Variants in AXIN1 observed in about 807,000 individuals in gnomAD.
The protein encoded by AXIN1 is axin-1.
Under a neutral mutation model 76.4 loss-of-function variants are expected in AXIN1, and 30 were observed. That is an observed-to-expected ratio of 0.39 (90% CI 0.29 to 0.53). AXIN1 has a LOEUF of 0.53. AXIN1 is among the 20% of genes least tolerant of loss of function. The pLI, the probability that AXIN1 is intolerant of heterozygous loss-of-function variation, is 0.66. For synonymous variants in AXIN1, 545 were observed against 501.4 expected (o/e 1.09, Z -1.16); for missense variants, 1,140 against 1,198.8 (o/e 0.95, Z 0.72).
intron 4 of AXIN1, 36 bp downstream of exon 4, chr16:309,937 G>C: frequency 6.2e-7 from 1 of 1,603,034 alleles, no homozygotes; most frequent in Non-Finnish European, 8.5e-7. Context: ...TGAGCGGGGA[G>C]GACGATGGGC....
chr16:314,708 T>C (rs2141594730), intron 2 of AXIN1, 25 bp from the exon 3 acceptor site: 1 of 1,612,654 alleles, frequency 6.2e-7, no homozygotes, highest in Non-Finnish European at 8.5e-7. Context: ...GCAGGGCATG[T>C]TAGTGACAGC....
chr16:288,465 C>T (rs1315892401), intron 10 of AXIN1, among the ~76,000 whole-genome samples: 1 of 152,250 alleles, frequency 6.6e-6, no homozygotes, highest in African/African-American at 2.4e-5. Context: ...AGTTCACTGC[C>T]TGCTGGGAGC....
intron 2 of AXIN1, among the ~76,000 whole-genome samples, chr16:318,328 C>A (rs1224328751): frequency 6.6e-6 from 1 of 152,172 alleles, no homozygotes; most frequent in Non-Finnish European, 1.5e-5. Context: ...CAGCACACAG[C>A]AAGTTCCACT....
In AXIN1 at chr16:352,452, G is replaced by C. The variant is rs935114617; in HGVS notation, c.-165C>G. 57 of 973,944 alleles carry C rather than the reference G, an allele frequency of 5.9e-5. No individual in the cohort carries two copies. In the East Asian group the frequency reaches 3.0e-3, roughly 51 times the overall value. The allele number at this position is 973,944 out of a possible 1,614,324, so 60.3% of individuals were successfully genotyped here. The stretch of plus-strand genomic sequence containing the variant: ...GGGCCCATGCGCTCAGCGGCAGCGC[G>C]GCGGGCGGGACCCGGCGGGGGCGCG... On this transcript the variant is annotated 5_prime_UTR_variant, in exon 1 of 11. Transcript: ENST00000262320.
At chr16:340,562 G>A (rs1313925789) in intron 2 of AXIN1, among the ~76,000 whole-genome samples, 1 of 152,194 alleles carries the variant, frequency 6.6e-6, no homozygotes, top group East Asian at 1.9e-4. Context: ...TGGGCCTCCC[G>A]CCCAACACTC....
chr16:316,833 GA>G (rs1567283356), intron 2 of AXIN1, among the ~76,000 whole-genome samples: 1 of 152,188 alleles, frequency 6.6e-6, no homozygotes, highest in African/African-American at 2.4e-5. Flanking sequence ...TCCCAGAGGG[GA>G]AAACAGTATA....
At position 289,409 on chromosome 16, in the gene AXIN1, G is replaced by A. The variant is rs376377355; in HGVS notation, c.2462+31C>T. On this transcript the variant is annotated intron_variant, in intron 10 of 10. Coordinates refer to ENST00000262320, the MANE Select transcript of AXIN1 (RefSeq NM_003502.4). ...CCGTTGGGCACCCACATACTCGTGC[G>A]GGGAGGGGGCACCCCAGCCCTCACA... 2.9e-5 allele frequency: 46 copies of A among 1,612,076 alleles called. No homozygotes were observed. The African/African-American group carries it at 3.2e-4, about 11-fold the overall frequency.
intron 2 of AXIN1, 130 bp downstream of exon 2, chr16:346,018 C>A: frequency 1.1e-6 from 1 of 891,310 alleles, no homozygotes; most frequent in Middle Eastern, 2.8e-4. Context: ...AGAACAGAAC[C>A]AAAATTCAAC....
chr16:291,042 TG>T, intron 9 of AXIN1, 147 bp downstream of exon 9: 1 of 751,936 alleles, frequency 1.3e-6, no homozygotes, highest in Non-Finnish European at 2.3e-6. Flanking sequence ...GCTTCGAGTC[TG>T]ATGCCACGGG....
Position 287,922 on chromosome 16 carries a change from C to G in AXIN1, c.*200G>C. On this transcript the variant is annotated 3_prime_UTR_variant, in exon 11 of 11. Transcript: ENST00000262320. ...TGCTATGAGGAGTGGTCCAGGCTGC[C>G]TCCTTGGGGGCAGGACAGAAGCTTG... 1.2e-6 allele frequency: 1 copy of G among 836,488 alleles called. No homozygotes were observed. 51.8% of individuals were successfully genotyped at this position (836,488 alleles called of 1,614,324 possible). A position where few individuals can be genotyped will look rare whatever the true frequency, so the allele number is the denominator to read the frequency against.
chr16:292,079 G>A (rs1357872086), intron 8 of AXIN1: 1 of 152,754 alleles, frequency 6.5e-6, no homozygotes, highest in Admixed American at 6.5e-5. Context: ...CCAGGGGAAA[G>A]CGCAGACGCA....
chr16:344,715 C>T (rs1180928438), intron 2 of AXIN1, among the ~76,000 whole-genome samples: 5 of 152,114 alleles, frequency 3.3e-5, no homozygotes, highest in Non-Finnish European at 1.5e-5. Context: ...TCTCGAACTC[C>T]CGACCTCAGG....
At chr16:327,404 G>A (rs1036924575) in intron 2 of AXIN1, among the ~76,000 whole-genome samples, 2 of 152,244 alleles carry the variant, frequency 1.3e-5, no homozygotes, top group African/African-American at 2.4e-5. Flanking sequence ...CACCAGGCAG[G>A]AGCTTCCGGC....
At chr16:317,961 C>T (rs749401412) in intron 2 of AXIN1, among the ~76,000 whole-genome samples, 4 of 152,216 alleles carry the variant, frequency 2.6e-5, no homozygotes, top group Non-Finnish European at 4.4e-5. Context: ...AGGCCACTGC[C>T]GCACAGAAGT....
chr16:291,785 T>G, intron 8 of AXIN1: 1 of 262,728 alleles, frequency 3.8e-6, no homozygotes, highest in South Asian at 3.9e-5. Flanking sequence ...TCCTCTCACG[T>G]GGACACCTCC....
In AXIN1 at chr16:299,823, T is replaced by C. The variant is rs535186346; in HGVS notation, c.1255-1572A>G. ...GGTGCCCGCCACCACGCCCGGCTAATTTTTTATATTTTTAGTAGAGATGGA... is the reference window on the plus strand; with the variant it reads ...GGTGCCCGCCACCACGCCCGGCTAACTTTTTATATTTTTAGTAGAGATGGA... On this transcript the variant is annotated intron_variant, in intron 5 of 10. Coordinates refer to ENST00000262320, the MANE Select transcript of AXIN1 (RefSeq NM_003502.4). Among the ~76,000 whole-genome samples, 669 of 150,862 alleles carry C rather than the reference T, an allele frequency of 4.4e-3. 8 individuals carry two copies. Among genetic ancestry groups the C allele is most frequent in the African/African-American group, 0.011 (457 of 40,940 alleles).
At chr16:328,606 G>A (rs1306186241) in intron 2 of AXIN1, among the ~76,000 whole-genome samples, 2 of 152,094 alleles carry the variant, frequency 1.3e-5, no homozygotes, top group Non-Finnish European at 2.9e-5. Context: ...TGAAGCGGGA[G>A]AATCACCTGA....
chr16:317,873 A>G (rs2053339253), intron 2 of AXIN1, among the ~76,000 whole-genome samples: 1 of 152,256 alleles, frequency 6.6e-6, no homozygotes, highest in Admixed American at 6.5e-5. Context: ...CCCTATTACT[A>G]TGAAGGAACA....
In AXIN1 at chr16:287,972, C is replaced by T; in HGVS notation, c.*150G>A. 1 of 1,359,528 alleles carries T rather than the reference C, an allele frequency of 7.4e-7. No homozygotes were observed. The highest frequency in any genetic ancestry group is 2.3e-5 in the East Asian group (1 of 43,508). The allele number at this position is 1,359,528 out of a possible 1,614,324, so 84.2% of individuals were successfully genotyped here. A position where few individuals can be genotyped will look rare whatever the true frequency, so the allele number is the denominator to read the frequency against. Reference sequence around the variant, plus strand: ...GTGGACCACTTGGAGGGACCCCCTACCTGCCTCTAGACACGGGTAGACCAC... The same window carrying T: ...GTGGACCACTTGGAGGGACCCCCTATCTGCCTCTAGACACGGGTAGACCAC... On this transcript the variant is annotated 3_prime_UTR_variant, in exon 11 of 11. Transcript: ENST00000262320.
Sources: gnomAD v4.1 joint callset for allele counts (sites outside exome capture counted in the v4.1 genomes callset) on GRCh38, gnomAD v4.1.1 for gene constraint, MANE v1.5 for transcripts, NCBI Gene and HGNC (gene_info 2026-07-23, HGNC 2026-07-21) for gene names.